CLOCK: variants seen among roughly 807,000 people sequenced by gnomAD.
CLOCK encodes circadian locomoter output cycles protein kaput.
CLOCK carries 43 observed loss-of-function variants against 118.4 expected under a neutral mutation model. That is an observed-to-expected ratio of 0.36 (90% CI 0.28 to 0.47). CLOCK has a LOEUF of 0.47. CLOCK is among the 20% of genes least tolerant of loss of function. CLOCK has a pLI of 1.00. For synonymous variants in CLOCK, 326 were observed against 339.2 expected (o/e 0.96, Z 0.43); for missense variants, 846 against 999.9 (o/e 0.85, Z 2.08).
rs1216291892 is a variant in CLOCK, at chr4:55,448,787, T to C, written c.1531A>G (p.Met511Val). ...QATNLPIPQG[M>V]SQFQFSAQLG... The stretch of plus-strand genomic sequence containing the variant: ...CAAAAACCAAAAAGTACCTGGGACA[T>C]GCCTTGTGGAATTGGTAAATTTGTA... The change falls in exon 18 of 23, where the codon ATG becomes GTG. Residue 511 changes from methionine to valine, a missense_variant. Coordinates refer to ENST00000513440, the MANE Select transcript of CLOCK (RefSeq NM_004898.4). 2 of 1,613,442 alleles carry C rather than the reference T, an allele frequency of 1.2e-6. No individual in the cohort carries two copies. Among genetic ancestry groups the C allele is most frequent in the Non-Finnish European group, 1.7e-6 (2 of 1,179,586 alleles).
Position 55,431,412 on chromosome 4 carries a change from A to G in CLOCK, c.*4003T>C, listed in dbSNP as rs752312373. ...AAATAGTCGATTCTATTCCTTTGCA[A>G]TTACTTCAGAAGCTCCTTTTAGAAG... is the stretch of plus-strand genomic sequence containing the variant. On this transcript the variant is annotated 3_prime_UTR_variant, in exon 23 of 23. Coordinates refer to ENST00000513440, the MANE Select transcript of CLOCK (RefSeq NM_004898.4). 28 of 152,214 alleles carry G rather than the reference A, an allele frequency of 1.8e-4. No homozygotes were observed. Among genetic ancestry groups the G allele is most frequent in the Non-Finnish European group, 3.2e-4 (22 of 68,042 alleles). The allele number at this position is 152,214 out of a possible 1,614,324, so 9.4% of individuals were successfully genotyped here.
At chr4:55,517,368 G>T (rs1729580224) in intron 1 of CLOCK, among the ~76,000 whole-genome samples, 1 of 152,036 alleles carries the variant, frequency 6.6e-6, no homozygotes, top group South Asian at 2.1e-4. Flanking sequence ...AAATTAGCCG[G>T]GTGTGGTGGC....
At chr4:55,483,029 A>C (rs1226731658) in intron 3 of CLOCK, among the ~76,000 whole-genome samples, 1 of 152,194 alleles carries the variant, frequency 6.6e-6, no homozygotes, top group East Asian at 1.9e-4. Flanking sequence ...AACACCTACA[A>C]GAAAAAAAGT....
chr4:55,465,609 G>C (rs1010847569), intron 8 of CLOCK, among the ~76,000 whole-genome samples: 1 of 152,132 alleles, frequency 6.6e-6, no homozygotes, highest in Admixed American at 6.5e-5. Flanking sequence ...TTTCAGTAAA[G>C]GATTTTTCTG....
At chr4:55,470,273 T>C (rs1726040446) in intron 8 of CLOCK, among the ~76,000 whole-genome samples, 1 of 152,190 alleles carries the variant, frequency 6.6e-6, no homozygotes, top group Non-Finnish European at 1.5e-5. Context: ...GTACTTTTTA[T>C]TGTACCTTTT....
chr4:55,457,073 C>T (rs1011363387), intron 11 of CLOCK, among the ~76,000 whole-genome samples: 9 of 152,130 alleles, frequency 5.9e-5, no homozygotes, highest in Admixed American at 6.5e-5. Flanking sequence ...GTACTTCTCA[C>T]TCTACACATT....
At chr4:55,474,560 C>T (rs775871122) in intron 7 of CLOCK, among the ~76,000 whole-genome samples, 7 of 152,130 alleles carry the variant, frequency 4.6e-5, no homozygotes, top group South Asian at 4.1e-4. Flanking sequence ...CTAGAACTTT[C>T]GTAGTTAGAA....
chr4:55,473,955 A>T (rs1013784579), intron 7 of CLOCK, among the ~76,000 whole-genome samples: 3 of 152,148 alleles, frequency 2.0e-5, no homozygotes, highest in African/African-American at 7.2e-5. Context: ...ATACAACAAT[A>T]CTGAAATTAG....
At position 55,478,929 on chromosome 4, in the gene CLOCK, C is replaced by T; in HGVS notation, c.142G>A (p.Asp48Asn). 1 of 1,601,728 alleles carries T rather than the reference C, an allele frequency of 6.2e-7. No individual in the cohort carries two copies. The highest frequency in any genetic ancestry group is 2.2e-5 in the East Asian group (1 of 44,634). Reference sequence around the variant, plus strand: ...TCTTTAATGAGAACATTAAATTGATCTCTACGTTTCTTTTCAGATTTGTTT... The same window carrying T: ...TCTTTAATGAGAACATTAAATTGATTTCTACGTTTCTTTTCAGATTTGTTT... ...SRNKSEKKRR[D>N]QFNVLIKELG... Residue 48 changes from aspartate (D) to asparagine (N), a missense_variant, in exon 6 of 23, where the codon GAT becomes AAT. Asp to Asn is a conservative substitution (Grantham distance 23). This residue lies in a region of CLOCK where 246 missense variants were observed against 300.2 expected (regional missense o/e 0.82). Coordinates refer to ENST00000513440, the MANE Select transcript of CLOCK (RefSeq NM_004898.4).
rs1722659783 is a variant in CLOCK at position 55,433,519 on chromosome 4, C to G, written c.*1896G>C. On this transcript the variant is annotated 3_prime_UTR_variant, in exon 23 of 23. Transcript: ENST00000513440. ...CCCCTGACCTCTTTACCTAGCAATT[C>G]TGCATTAGGTTAATCTTCATTATTC... 6.6e-6 allele frequency: 1 copy of G among 152,194 alleles called. No individual in the cohort carries two copies. Among genetic ancestry groups the G allele is most frequent in the Non-Finnish European group, 1.5e-5 (1 of 68,014 alleles). The allele number at this position is 152,194 out of a possible 1,614,324, so 9.4% of individuals were successfully genotyped here.
intron 1 of CLOCK, among the ~76,000 whole-genome samples, chr4:55,517,316 C>A (rs1251049787): frequency 2.0e-5 from 3 of 152,108 alleles, no homozygotes; most frequent in African/African-American, 7.2e-5. Flanking sequence ...CGAGACCATC[C>A]TGGCTAATAC....
Position 55,438,555 on chromosome 4 carries a change from G to GA in CLOCK, c.2106-19dup, listed in dbSNP as rs757356339. ...GAGAAAATCTGTTAGAAGAAAGAAG[G>GA]AAAAAAATTGGAGTCCAAAGTACAA... On this transcript the variant is annotated intron_variant, in intron 21 of 22. Coordinates refer to ENST00000513440, the MANE Select transcript of CLOCK (RefSeq NM_004898.4). The GA allele has an allele frequency of 1.2e-6, 2 of 1,612,448 alleles. No homozygotes were observed. Among genetic ancestry groups the GA allele is most frequent in the East Asian group, 2.2e-5 (1 of 44,854 alleles).
At chr4:55,450,706 A>G (rs1295675366) in intron 15 of CLOCK, among the ~76,000 whole-genome samples, 2 of 151,936 alleles carry the variant, frequency 1.3e-5, no homozygotes, top group Non-Finnish European at 1.5e-5. Context: ...GAGGCGGAGG[A>G]TGTAGTGAGC....
Position 55,443,854 on chromosome 4 carries a change from C to T in CLOCK, c.1735G>A (p.Val579Ile), listed in dbSNP as rs1301767297. ...GATGAATTTCCAGAAGAAAGTTGAACGGAACCAAAATTCAACCCAGGATTT... is the reference window on the plus strand; with the variant it reads ...GATGAATTTCCAGAAGAAAGTTGAATGGAACCAAAATTCAACCCAGGATTT... Reference protein sequence around the residue: ...QSNPGLNFGSVQLSSGNSSNI... With the variant: ...QSNPGLNFGSIQLSSGNSSNI... The change falls in exon 20 of 23, where the codon GTT becomes ATT. Residue 579 changes from valine to isoleucine, a missense_variant. This residue lies in a region of CLOCK where 520 missense variants were observed against 558.0 expected (regional missense o/e 0.93). Coordinates refer to ENST00000513440, the MANE Select transcript of CLOCK (RefSeq NM_004898.4). The T allele has an allele frequency of 6.2e-6, 10 of 1,613,370 alleles. No individual in the cohort carries two copies. Among genetic ancestry groups the T allele is most frequent in the Admixed American group, 1.7e-5 (1 of 59,980 alleles).
chr4:55,449,337 GATC>G, intron 17 of CLOCK, 56 bp downstream of exon 17: 1 of 1,423,252 alleles, frequency 7.0e-7, no homozygotes, highest in Non-Finnish European at 9.9e-7. Context: ...TGAAGATTTA[GATC>G]ATTTTTCCCC....
intron 1 of CLOCK, among the ~76,000 whole-genome samples, chr4:55,511,261 AG>A (rs1218543485): frequency 2.0e-5 from 3 of 149,968 alleles, no homozygotes; most frequent in African/African-American, 7.3e-5. Flanking sequence ...ATCACTATCA[AG>A]CAAGTGCTTT....
Position 55,458,833 on chromosome 4 carries a change from C to T in CLOCK, c.792+59G>A, listed in dbSNP as rs1269683411. On this transcript the variant is annotated intron_variant, in intron 11 of 22. Coordinates refer to ENST00000513440, the MANE Select transcript of CLOCK (RefSeq NM_004898.4). Reference sequence around the variant, plus strand: ...CCACCTCAATGTCTGCAGGAAGTTTCAGGCAGCTCTCAGCATATGAACTGA... The same window carrying T: ...CCACCTCAATGTCTGCAGGAAGTTTTAGGCAGCTCTCAGCATATGAACTGA... 3.3e-6 allele frequency: 4 copies of T among 1,211,782 alleles called. No individual in the cohort carries two copies. In the African/African-American group the frequency reaches 4.5e-5, roughly 14 times the overall value. 75.1% of individuals were successfully genotyped at this position (1,211,782 alleles called of 1,614,324 possible).
intron 1 of CLOCK, among the ~76,000 whole-genome samples, chr4:55,532,448 A>G (rs1198121307): frequency 6.6e-6 from 1 of 152,230 alleles, no homozygotes; most frequent in Non-Finnish European, 1.5e-5. Flanking sequence ...TAGTACTAAT[A>G]CATGATTTCA....
At chr4:55,537,485 G>A (rs1286986175) in intron 1 of CLOCK, among the ~76,000 whole-genome samples, 1 of 152,116 alleles carries the variant, frequency 6.6e-6, no homozygotes, top group Non-Finnish European at 1.5e-5. Flanking sequence ...CAGGCATGAT[G>A]GCACGCGCCT....
Sources: allele counts gnomAD v4.1 joint callset (sites outside exome capture counted in the v4.1 genomes callset), GRCh38; gene constraint gnomAD v4.1.1; regional missense constraint gnomAD v4.1.1; transcripts MANE v1.5; gene names NCBI Gene and HGNC (gene_info 2026-07-23, HGNC 2026-07-21).